PCDHGB2: variants seen among roughly 807,000 people sequenced by gnomAD.
The protein encoded by PCDHGB2 is protocadherin gamma subfamily B, 2.
In PCDHGB2, 55 loss-of-function variants were observed where a neutral mutation model predicts 59.3. The ratio of observed to expected loss-of-function variants is 0.93; its 90% CI spans 0.75 to 1.16. The LOEUF (loss-of-function observed/expected upper bound fraction) is 1.16, where lower values mean the gene tolerates loss of function less well. PCDHGB2 is among the 50% of genes most tolerant of loss of function. The pLI is 0.00. For missense variants in PCDHGB2, 1,228 were observed against 1,198.5 expected (o/e 1.02, Z -0.36); for synonymous variants, 516 against 512.0 (o/e 1.01, Z -0.11).
intron 1 of PCDHGB2, chr5:141,375,594 A>T: frequency 6.2e-7 from 1 of 1,613,890 alleles, no homozygotes; most frequent in Non-Finnish European, 8.5e-7. Flanking sequence ...CTGTCCTCCT[A>T]CGTGTCCATC....
chr5:141,409,608 C>T, intron 1 of PCDHGB2: 18 of 1,613,942 alleles, frequency 1.1e-5, no homozygotes, highest in Non-Finnish European at 1.4e-5. Flanking sequence ...CCGCCAGGAG[C>T]CTCCATTGCG....
rs564486909 is a variant in PCDHGB2, at chr5:141,428,072, G to C, written c.2421+65516G>C. ...AGGTGGTGGCGGTGGACGCAGATTC[G>C]GGACACAACGCTTGGCTGTCCTACC... is the stretch of plus-strand genomic sequence containing the variant. On this transcript the variant is annotated intron_variant, in intron 1 of 3. Transcript: ENST00000522605. 5 of 1,609,080 alleles carry C rather than the reference G, an allele frequency of 3.1e-6. 1 individual carries two copies. The South Asian group carries it at 5.5e-5, about 18-fold the overall frequency.
At chr5:141,371,316 G>A in intron 1 of PCDHGB2, 1 of 1,614,002 alleles carries the variant, frequency 6.2e-7, no homozygotes, top group Non-Finnish European at 8.5e-7. Flanking sequence ...TGGAGAACTG[G>A]ACTTTGAAGA....
At chr5:141,423,183 G>GCCCCCTCTCTCGGCCAC (rs760086052) in intron 1 of PCDHGB2, 8 of 1,613,570 alleles carry the variant, frequency 5.0e-6, no homozygotes, top group Non-Finnish European at 6.8e-6. Context: ...ACCACGGCCA[G>GCCCCCTCTCTCGGCCAC]CCCCCTCTCT....
chr5:141,376,252 C>G (rs756828511), intron 1 of PCDHGB2: 1 of 1,614,248 alleles, frequency 6.2e-7, no homozygotes, highest in Non-Finnish European at 8.5e-7. Context: ...ACAAGTCACG[C>G]CTGCTGCAGG....
chr5:141,421,254 C>T, intron 1 of PCDHGB2: 1 of 1,607,460 alleles, frequency 6.2e-7, no homozygotes, highest in East Asian at 2.2e-5. Flanking sequence ...AGCGCGGGGA[C>T]CGCAGTCGGC....
chr5:141,427,805 A>G lies in PCDHGB2; in HGVS notation c.2421+65249A>G, dbSNP rs1010656936. The G allele has an allele frequency of 3.3e-6, 5 of 1,520,154 alleles. No homozygotes were observed. In the African/African-American group the frequency reaches 4.1e-5, roughly 12 times the overall value. 94.2% of individuals were successfully genotyped at this position (1,520,154 alleles called of 1,614,324 possible). ...TGTCGTCCTACGTGTCCGTGAGCGC[A>G]CAGAGCGGGGTGGTGGTCGCGCAGC... On this transcript the variant is annotated intron_variant, in intron 1 of 3. Coordinates refer to ENST00000522605, the MANE Select transcript of PCDHGB2 (RefSeq NM_018923.3).
rs368585389 is a variant in PCDHGB2, at chr5:141,419,428, G to A, written c.2421+56872G>A. On this transcript the variant is annotated intron_variant, in intron 1 of 3. Coordinates refer to ENST00000522605, the MANE Select transcript of PCDHGB2 (RefSeq NM_018923.3). ...TCGCGCAGCGCGCCTTCGACCACGAGCAGCTGCGCACCTTCGAGCTCACGC... is the reference window on the plus strand; with the variant it reads ...TCGCGCAGCGCGCCTTCGACCACGAACAGCTGCGCACCTTCGAGCTCACGC... 4 of 1,613,192 alleles carry A rather than the reference G, an allele frequency of 2.5e-6. No individual in the cohort carries two copies. In the African/African-American group the frequency reaches 4.0e-5, roughly 16 times the overall value.
At chr5:141,480,591 T>G (rs557048485) in intron 1 of PCDHGB2, among the ~76,000 whole-genome samples, 1 of 138,080 alleles carries the variant, frequency 7.2e-6, no homozygotes, top group South Asian at 2.2e-4. Flanking sequence ...GCCGCTCTTC[T>G]GGTCAGCCTG....
intron 1 of PCDHGB2, chr5:141,424,285 T>A (rs573116321): frequency 6.5e-6 from 1 of 152,894 alleles, no homozygotes; most frequent in South Asian, 2.1e-4. Context: ...CTTTGTCTCA[T>A]TTCTTCATCC....
At chr5:141,420,076 TC>T (rs2096464805) in intron 1 of PCDHGB2, 2 of 1,613,956 alleles carry the variant, frequency 1.2e-6, no homozygotes, top group East Asian at 2.2e-5. Flanking sequence ...GACCTGTGGG[TC>T]CCCCCAACTA....
rs758216933 is a variant in PCDHGB2 at position 141,487,377 on chromosome 5, C to A, written c.2422-7430C>A. The A allele has an allele frequency of 2.5e-6, 4 of 1,614,190 alleles. No individual in the cohort carries two copies. In the South Asian group the frequency reaches 3.3e-5, roughly 13 times the overall value. On this transcript the variant is annotated intron_variant, in intron 1 of 3. Transcript: ENST00000522605. This position sits in a 1 kb window ranked among gnomAD's most constrained non-coding sequence, Gnocchi z 5.0. ...CCTGCTGGCACCTGTGCCTGTCTCA[C>A]CAGATCTCGAAGGAGGGAGGGGCTT...
Position 141,491,900 on chromosome 5 carries a change from G to C in PCDHGB2, c.2422-2907G>C. ...TAAGGGATGGGGCTCCGAGCACCGG[G>C]GGTGGTGGCGACTGTGGGCGAGGGG... On this transcript the variant is annotated intron_variant, in intron 1 of 3. Transcript: ENST00000522605. This position sits in a 1 kb window ranked among gnomAD's most constrained non-coding sequence, Gnocchi z 6.9. 1 of 1,429,936 alleles carries C rather than the reference G, an allele frequency of 7.0e-7. No homozygotes were observed. Among genetic ancestry groups the C allele is most frequent in the South Asian group, 1.5e-5 (1 of 67,072 alleles). 88.6% of individuals were successfully genotyped at this position (1,429,936 alleles called of 1,614,324 possible). A position where few individuals can be genotyped will look rare whatever the true frequency, so the allele number is the denominator to read the frequency against.
chr5:141,404,932 C>A, intron 1 of PCDHGB2: 1 of 1,613,944 alleles, frequency 6.2e-7, no homozygotes, highest in Non-Finnish European at 8.5e-7. Flanking sequence ...CTGTCACGCT[C>A]ACAGTAGCCA....
At chr5:141,415,467 C>T (rs754252558) in intron 1 of PCDHGB2, 2 of 1,614,080 alleles carry the variant, frequency 1.2e-6, no homozygotes, top group African/African-American at 1.3e-5. Context: ...TCTCTCTCAC[C>T]GCGGACTCGC....
At chr5:141,412,286 G>A (rs150947924) in intron 1 of PCDHGB2, 104 of 152,170 alleles carry the variant, frequency 6.8e-4, no homozygotes, top group African/African-American at 2.3e-3. Flanking sequence ...CAAATTCTAC[G>A]TATTTCTTTT....
Position 141,487,291 on chromosome 5 carries a change from C to T in PCDHGB2, c.2422-7516C>T, listed in dbSNP as rs748961925. The stretch of plus-strand genomic sequence containing the variant: ...TGGCAATTTGCTTTGTCTCCTTTGG[C>T]TCATTCGTGGCACTACTCTCTAAGT... On this transcript the variant is annotated intron_variant, in intron 1 of 3. Transcript: ENST00000522605. This position sits in a 1 kb window ranked among gnomAD's most constrained non-coding sequence, Gnocchi z 5.0. The T allele has an allele frequency of 1.9e-5, 30 of 1,614,036 alleles. No homozygotes were observed. Among genetic ancestry groups the T allele is most frequent in the Non-Finnish European group, 2.5e-5 (30 of 1,180,020 alleles).
intron 1 of PCDHGB2, among the ~76,000 whole-genome samples, chr5:141,471,737 A>G (rs2099263581): frequency 6.6e-6 from 1 of 152,232 alleles, no homozygotes; most frequent in Non-Finnish European, 1.5e-5. Context: ...AAGGTTGGAG[A>G]CATAACATAT....
chr5:141,456,043 G>A (rs62379189), intron 1 of PCDHGB2, among the ~76,000 whole-genome samples: 6,917 of 151,746 alleles, frequency 0.046, 202 homozygotes, highest in Middle Eastern at 0.086. Flanking sequence ...GACTACAGGC[G>A]CCCACCACCA....
Sources: allele counts gnomAD v4.1 joint callset (sites outside exome capture counted in the v4.1 genomes callset), GRCh38; gene constraint gnomAD v4.1.1; non-coding constraint Gnocchi (gnomAD v3.1); transcripts MANE v1.5; gene names NCBI Gene and HGNC (gene_info 2026-07-23, HGNC 2026-07-21).